TSHZ2: variants seen among roughly 807,000 people sequenced by gnomAD.
TSHZ2 encodes the protein teashirt zinc finger homeobox 2, also known as teashirt homolog 2.
TSHZ2 carries 21 observed loss-of-function variants against 74.4 expected under a neutral mutation model. That is an observed-to-expected ratio of 0.28 (90% CI 0.20 to 0.41). The LOEUF is 0.41. Ranked by LOEUF, TSHZ2 falls within the 10% of genes least tolerant of loss-of-function variation. The pLI is 1.00. For missense variants in TSHZ2, 1,244 were observed against 1,293.5 expected, an observed-to-expected ratio of 0.96 and a Z score of 0.59; for synonymous variants, 540 against 515.3, an observed-to-expected ratio of 1.05 and a Z score of -0.65.
intron 1 of TSHZ2, among the ~76,000 whole-genome samples, chr20:53,219,271 C>G (rs539354268): frequency 6.6e-6 from 1 of 152,106 alleles, no homozygotes; most frequent in Non-Finnish European, 1.5e-5. Context: ...TTTTTAAACA[C>G]GAGAACAATC....
At chr20:53,270,797 G>GA (rs1243764673) in intron 2 of TSHZ2, among the ~76,000 whole-genome samples, 3 of 151,936 alleles carry the variant, frequency 2.0e-5, no homozygotes, top group Non-Finnish European at 2.9e-5. Flanking sequence ...TATCGATGGA[G>GA]AAAAAAATGA....
At chr20:53,361,626 C>T (rs184671172) in intron 2 of TSHZ2, among the ~76,000 whole-genome samples, 2 of 152,262 alleles carry the variant, frequency 1.3e-5, no homozygotes, top group Admixed American at 1.3e-4. Context: ...GGAATAATAT[C>T]GCCCTTAGTC....
intron 1 of TSHZ2, among the ~76,000 whole-genome samples, chr20:53,207,711 C>T (rs1172878442): frequency 6.6e-6 from 1 of 151,924 alleles, no homozygotes; most frequent in African/African-American, 2.4e-5. Context: ...GGGTCTTGCC[C>T]TCCTGCCCAG....
intron 2 of TSHZ2, among the ~76,000 whole-genome samples, chr20:53,349,237 T>G (rs1980551852): frequency 1.3e-5 from 2 of 152,186 alleles, no homozygotes; most frequent in African/African-American, 2.4e-5. Context: ...CTCAAAGAGT[T>G]CTCTTGAGGA....
rs546341780 is a variant in TSHZ2 at position 53,349,095 on chromosome 20, C to T, written c.*8+92524C>T. Among the ~76,000 whole-genome samples the T allele has an allele frequency of 3.3e-5, 5 of 152,244 alleles. No homozygotes were observed. In the South Asian group the frequency reaches 1.0e-3, roughly 32 times the overall value. ...CAGTTGAACAGTGTCCAGGTGTGCC[C>T]CCAAGGCAGGGGCAAAGTGGAGCAT... On this transcript the variant is annotated intron_variant, in intron 2 of 2. Coordinates refer to ENST00000371497, the MANE Select transcript of TSHZ2 (RefSeq NM_173485.6).
chr20:53,486,300 A>G (rs867015345), intron 2 of TSHZ2, among the ~76,000 whole-genome samples: 1 of 152,146 alleles, frequency 6.6e-6, no homozygotes, highest in South Asian at 2.1e-4. Context: ...CATCCGTTGG[A>G]CACTTGGGTT....
In TSHZ2 at chr20:53,009,449, G is replaced by A. The variant is rs146452308; in HGVS notation, c.40+36116G>A. Among the ~76,000 whole-genome samples, 65 of 152,252 alleles carry A rather than the reference G, an allele frequency of 4.3e-4. No individual in the cohort carries two copies. In the East Asian group the frequency reaches 0.011, roughly 26 times the overall value. Reference sequence around the variant, plus strand: ...TAAACCGTGTGTGCAAAGAGATGACGTGATGAAGCGGGACAGCTCAGGATT... The same window carrying A: ...TAAACCGTGTGTGCAAAGAGATGACATGATGAAGCGGGACAGCTCAGGATT... On this transcript the variant is annotated intron_variant, in intron 1 of 2. Coordinates refer to ENST00000371497, the MANE Select transcript of TSHZ2 (RefSeq NM_173485.6).
intron 1 of TSHZ2, among the ~76,000 whole-genome samples, chr20:53,218,244 G>A (rs1989479225): frequency 6.6e-6 from 1 of 152,210 alleles, no homozygotes; most frequent in African/African-American, 2.4e-5. Flanking sequence ...TCAAGGAACA[G>A]AGCTGTGTGT....
At chr20:53,454,381 G>C (rs1043177492) in intron 2 of TSHZ2, among the ~76,000 whole-genome samples, 12 of 151,896 alleles carry the variant, frequency 7.9e-5, no homozygotes, top group African/African-American at 2.9e-4. Context: ...GGCCAATATG[G>C]TGACACCCCA....
At chr20:53,231,742 G>A (rs1457423150) in intron 1 of TSHZ2, among the ~76,000 whole-genome samples, 1 of 152,064 alleles carries the variant, frequency 6.6e-6, no homozygotes, top group Non-Finnish European at 1.5e-5. Flanking sequence ...AACCTCTACG[G>A]GAACACACAC....
At chr20:53,138,661 C>G (rs971682209) in intron 1 of TSHZ2, among the ~76,000 whole-genome samples, 1 of 152,166 alleles carries the variant, frequency 6.6e-6, no homozygotes, top group African/African-American at 2.4e-5. Context: ...ATATATACTT[C>G]AAAACCCAGT....
At chr20:53,116,181 T>TATTA (rs1362652339) in intron 1 of TSHZ2, among the ~76,000 whole-genome samples, 1 of 152,238 alleles carries the variant, frequency 6.6e-6, no homozygotes, top group African/African-American at 2.4e-5. Flanking sequence ...AAGCTACTGC[T>TATTA]ATTAATTGAT....
chr20:53,422,824 A>G (rs528600479), intron 2 of TSHZ2, among the ~76,000 whole-genome samples: 1 of 152,326 alleles, frequency 6.6e-6, no homozygotes, highest in South Asian at 2.1e-4. Context: ...ATCTCCTTCA[A>G]TATACAGTCA....
At chr20:53,188,505 T>G (rs978133188) in intron 1 of TSHZ2, among the ~76,000 whole-genome samples, 2 of 152,148 alleles carry the variant, frequency 1.3e-5, no homozygotes, top group African/African-American at 4.8e-5. Context: ...GTCCATACTT[T>G]CTCAACAGCA....
intron 2 of TSHZ2, among the ~76,000 whole-genome samples, chr20:53,394,892 A>G (rs1982393102): frequency 7.1e-6 from 1 of 141,382 alleles, no homozygotes; most frequent in South Asian, 2.2e-4. Context: ...AAAAAGATCC[A>G]AAGTCCCCTC....
At chr20:53,132,283 G>A (rs1042782161) in intron 1 of TSHZ2, among the ~76,000 whole-genome samples, 33 of 151,554 alleles carry the variant, frequency 2.2e-4, no homozygotes, top group Middle Eastern at 6.8e-3. Context: ...TGCTCCCACT[G>A]CAGGTTTCTC....
intron 2 of TSHZ2, among the ~76,000 whole-genome samples, chr20:53,341,495 T>A (rs1043480072): frequency 5.9e-5 from 9 of 151,964 alleles, no homozygotes; most frequent in African/African-American, 2.2e-4. Context: ...TTTCTTTATT[T>A]TTTTTTTTAA....
rs78094742 is a variant in TSHZ2 at position 53,387,554 on chromosome 20, T to A, written c.*9-99590T>A. Among the ~76,000 whole-genome samples, 1,658 of 152,304 alleles carry A rather than the reference T, an allele frequency of 0.011. 70 individuals carry two copies. The East Asian group carries it at 0.13, about 12-fold the overall frequency. On this transcript the variant is annotated intron_variant, in intron 2 of 2. Transcript: ENST00000371497. Reference sequence around the variant, plus strand: ...CAGCTGGGGTAAATCAAGACTGGGCTGGGGAGCACCTGGACCTCTTTTGCT... The same window carrying A: ...CAGCTGGGGTAAATCAAGACTGGGCAGGGGAGCACCTGGACCTCTTTTGCT...
intron 1 of TSHZ2, among the ~76,000 whole-genome samples, chr20:53,215,312 T>C (rs957660370): frequency 2.0e-5 from 3 of 151,968 alleles, no homozygotes; most frequent in African/African-American, 7.3e-5. Flanking sequence ...AAGAGCAAAA[T>C]AGCAGCATTT....
Sources: gnomAD v4.1 joint callset for allele counts (sites outside exome capture counted in the v4.1 genomes callset) on GRCh38, gnomAD v4.1.1 for gene constraint, MANE v1.5 for transcripts, NCBI Gene and HGNC (gene_info 2026-07-23, HGNC 2026-07-21) for gene names.